The following PDGFC variants were observed in gnomAD, a reference collection of about 807,000 sequenced individuals.
The protein encoded by PDGFC is platelet-derived growth factor C.
PDGFC carries 12 observed loss-of-function variants against 35.5 expected under a neutral mutation model. The ratio of observed to expected loss-of-function variants is 0.34; its 90% CI spans 0.22 to 0.55. PDGFC has a LOEUF of 0.55. Among genes scored for constraint, PDGFC ranks in the 20% least tolerant of loss-of-function variants. The probability of loss-of-function intolerance (pLI) is 0.91; values close to 1 mark genes in which losing one functional copy is unlikely to be tolerated. For missense variants in PDGFC, 322 were observed against 412.4 expected, an observed-to-expected ratio of 0.78 and a Z score of 1.90; for synonymous variants, 159 against 148.8, an observed-to-expected ratio of 1.07 and a Z score of -0.50.
chr4:156,899,019 T>G (rs2110754559), intron 1 of PDGFC, among the ~76,000 whole-genome samples: 1 of 152,340 alleles, frequency 6.6e-6, no homozygotes, highest in Non-Finnish European at 1.5e-5. Context: ...TTCCAGGTTT[T>G]CCATCTCTTT....
chr4:156,936,956 A>G (rs1731696976), intron 1 of PDGFC, among the ~76,000 whole-genome samples: 1 of 152,218 alleles, frequency 6.6e-6, no homozygotes, highest in Non-Finnish European at 1.5e-5. Context: ...ATTATGCTCT[A>G]TGCAATGGAA....
At chr4:156,794,301 T>C (rs926406542) in intron 3 of PDGFC, among the ~76,000 whole-genome samples, 1 of 152,092 alleles carries the variant, frequency 6.6e-6, no homozygotes, top group African/African-American at 2.4e-5. Flanking sequence ...TATTAGAAAA[T>C]AGAATGTGTG....
intron 1 of PDGFC, among the ~76,000 whole-genome samples, chr4:156,943,275 T>C (rs1179898876): frequency 6.6e-6 from 1 of 152,124 alleles, no homozygotes; most frequent in Non-Finnish European, 1.5e-5. Flanking sequence ...TGAGAAGCTC[T>C]GTTAAACTGT....
intron 2 of PDGFC, among the ~76,000 whole-genome samples, chr4:156,824,327 T>TACATACACATATACACATAC (rs1732374436): frequency 4.9e-5 from 5 of 102,844 alleles, no homozygotes; most frequent in Non-Finnish European, 9.4e-5. Flanking sequence ...TATATATATA[T>TACATACACATATACACATAC]ACACACACAC....
chr4:156,782,212 T>C (rs1731000067), intron 3 of PDGFC, among the ~76,000 whole-genome samples: 1 of 152,218 alleles, frequency 6.6e-6, no homozygotes, highest in African/African-American at 2.4e-5. Context: ...CGAATACCTC[T>C]GTGCTAAAGA....
intron 3 of PDGFC, chr4:156,779,202 G>T: frequency 6.6e-6 from 3 of 455,984 alleles, no homozygotes; most frequent in South Asian, 4.6e-5. Flanking sequence ...ATTTAAACAC[G>T]CTTCTTTGCC....
At chr4:156,889,575 T>A (rs370637559) in intron 1 of PDGFC, among the ~76,000 whole-genome samples, 1 of 152,232 alleles carries the variant, frequency 6.6e-6, no homozygotes, top group African/African-American at 2.4e-5. Context: ...GACAATACTG[T>A]AAGTAGGAGT....
intron 1 of PDGFC, among the ~76,000 whole-genome samples, chr4:156,965,636 G>C (rs1732447475): frequency 1.3e-5 from 2 of 151,978 alleles, no homozygotes; most frequent in South Asian, 4.2e-4. Context: ...CAAATGACTG[G>C]AAGTTGCAAT....
chr4:156,824,000 C>G (rs563128945), intron 2 of PDGFC, among the ~76,000 whole-genome samples: 1 of 151,834 alleles, frequency 6.6e-6, no homozygotes, highest in Non-Finnish European at 1.5e-5. Flanking sequence ...ACTAAATGAT[C>G]TCATTTATAT....
At chr4:156,835,589 C>G (rs1227495585) in intron 2 of PDGFC, among the ~76,000 whole-genome samples, 2 of 152,102 alleles carry the variant, frequency 1.3e-5, no homozygotes, top group Non-Finnish European at 2.9e-5. Flanking sequence ...TTTCTTTTAA[C>G]CCAATAACCC....
At chr4:156,783,036 C>A (rs1306786226) in intron 3 of PDGFC, among the ~76,000 whole-genome samples, 1 of 151,758 alleles carries the variant, frequency 6.6e-6, no homozygotes, top group Non-Finnish European at 1.5e-5. Context: ...GGAGGTGATA[C>A]AAAGAAGAGA....
intron 1 of PDGFC, among the ~76,000 whole-genome samples, chr4:156,918,233 G>T (rs1057347044): frequency 6.6e-6 from 1 of 151,990 alleles, no homozygotes; most frequent in Non-Finnish European, 1.5e-5. Flanking sequence ...TTTCAAAAAA[G>T]TTTTAAATTA....
intron 1 of PDGFC, 25 bp downstream of exon 1, chr4:156,970,761 G>A (rs1732572410): frequency 4.4e-6 from 6 of 1,372,476 alleles, no homozygotes; most frequent in Non-Finnish European, 6.3e-6. Context: ...GAAACAAGCA[G>A]GGGGAGAATG....
At chr4:156,785,047 ATT>A (rs796507508) in intron 3 of PDGFC, among the ~76,000 whole-genome samples, 46 of 152,346 alleles carry the variant, frequency 3.0e-4, no homozygotes, top group African/African-American at 1.1e-3. Context: ...ATTCTCAATA[ATT>A]TTTAGTGTAC....
chr4:156,944,556 CTA>C (rs1731890823), intron 1 of PDGFC, among the ~76,000 whole-genome samples: 1 of 152,108 alleles, frequency 6.6e-6, no homozygotes, highest in Non-Finnish European at 1.5e-5. Flanking sequence ...TGTTAGCACG[CTA>C]GGGCAATTAA....
In PDGFC at chr4:156,964,941, T is replaced by A. The variant is rs1442979415; in HGVS notation, c.118+5845A>T. Among the ~76,000 whole-genome samples, 3 of 152,182 alleles carry A rather than the reference T, an allele frequency of 2.0e-5. No individual in the cohort carries two copies. In the East Asian group the frequency reaches 5.8e-4, roughly 29 times the overall value. On this transcript the variant is annotated intron_variant, in intron 1 of 5. Transcript: ENST00000502773. ...TTGGAGGCTTGTCATCTATGCAACA[T>A]TTTCAAGAGTCCTTGGTCTGCATCA...
At chr4:156,941,436 A>T (rs967728958) in intron 1 of PDGFC, among the ~76,000 whole-genome samples, 4 of 152,174 alleles carry the variant, frequency 2.6e-5, no homozygotes, top group Admixed American at 6.6e-5. Context: ...TTTAGACAGA[A>T]CATTTGTTTT....
rs79911031 is a variant in PDGFC, at chr4:156,863,386, T to C, written c.119-12970A>G. On this transcript the variant is annotated intron_variant, in intron 1 of 5. Transcript: ENST00000502773. ...TCAACCTGGATGTTTGTGTGATTAA[T>C]TCACAAGTGTATATTTTCCTATTGC... 6.6e-5 allele frequency among the ~76,000 whole-genome samples: 10 copies of C among 152,320 alleles called. No individual in the cohort carries two copies. The East Asian group carries it at 1.9e-3, about 29-fold the overall frequency.
At chr4:156,892,611 A>T (rs958578685) in intron 1 of PDGFC, among the ~76,000 whole-genome samples, 2 of 152,218 alleles carry the variant, frequency 1.3e-5, no homozygotes, top group East Asian at 3.8e-4. Flanking sequence ...TTATGGTGGG[A>T]AAAGTTAGAG....
Sources: gnomAD v4.1 joint callset for allele counts (sites outside exome capture counted in the v4.1 genomes callset) on GRCh38, gnomAD v4.1.1 for gene constraint, MANE v1.5 for transcripts, NCBI Gene and HGNC (gene_info 2026-07-23, HGNC 2026-07-21) for gene names.